CEP250: variants seen among roughly 807,000 people sequenced by gnomAD.
CEP250 encodes centrosome-associated protein CEP250.
Under a neutral mutation model 315.7 loss-of-function variants are expected in CEP250, and 242 were observed. That is an observed-to-expected ratio of 0.77 (90% confidence interval 0.69 to 0.85). The LOEUF (loss-of-function observed/expected upper bound fraction) is 0.85, where lower values mean the gene tolerates loss of function less well. Ranked by LOEUF, CEP250 falls within the 40% of genes least tolerant of loss-of-function variation. The pLI is 0.00. For synonymous variants in CEP250, 1,088 were observed against 1,175.0 expected, an observed-to-expected ratio of 0.93 and a Z score of 1.51; for missense variants, 2,515 against 2,886.4, an observed-to-expected ratio of 0.87 and a Z score of 2.95.
rs553417581 is a variant in CEP250, at chr20:35,511,288, A to G, written c.7066-75A>G. 47 of 1,294,778 alleles carry G rather than the reference A, an allele frequency of 3.6e-5. No homozygotes were observed. The South Asian group carries it at 5.3e-4, about 15-fold the overall frequency. 80.2% of individuals were successfully genotyped at this position (1,294,778 alleles called of 1,614,324 possible). ...GATCAGCCAACGAGCTTCAGAGAAC[A>G]CAGAGCAGGAAGAGCTGGGACAACT... On this transcript the variant is annotated intron_variant, in intron 34 of 34. Transcript: ENST00000397527.
rs1319759585 is a variant in CEP250 at position 35,516,881 on chromosome 20, C to T, written c.*5255C>T. 1.8e-6 allele frequency: 1 copy of T among 565,818 alleles called. No individual in the cohort carries two copies. Among genetic ancestry groups the T allele is most frequent in the Admixed American group, 6.3e-5 (1 of 15,754 alleles). The allele number at this position is 565,818 out of a possible 1,614,324, so 35.0% of individuals were successfully genotyped here. ...TCCAGAAGCAATGGCAGGTGTTATC[C>T]ATTCATTCAGGTTAGACCTCTGAGC... On this transcript the variant is annotated 3_prime_UTR_variant, in exon 35 of 35. Transcript: ENST00000397527.
chr20:35,509,622 G>T (rs946318964), intron 33 of CEP250, among the ~76,000 whole-genome samples: 2 of 152,194 alleles, frequency 1.3e-5, no homozygotes, highest in South Asian at 4.1e-4. Flanking sequence ...TCCATCCCTT[G>T]TCCTTTATTG....
chr20:35,476,171 TA>T (rs2063167669), intron 15 of CEP250: 1 of 322,354 alleles, frequency 3.1e-6, no homozygotes, highest in Non-Finnish European at 5.8e-6. Context: ...ACTATATTAA[TA>T]TTTTTTTTAG....
chr20:35,479,816 A>T, intron 19 of CEP250, 43 bp downstream of exon 19: 1 of 1,613,082 alleles, frequency 6.2e-7, no homozygotes, highest in Non-Finnish European at 8.5e-7. Context: ...TTCCATGGAG[A>T]TGTTGAAAGG....
intron 15 of CEP250, among the ~76,000 whole-genome samples, chr20:35,475,950 C>T (rs1183063040): frequency 6.6e-6 from 1 of 152,194 alleles, no homozygotes; most frequent in African/African-American, 2.4e-5. Context: ...TACTGCAAAA[C>T]CCATCCTAAC....
chr20:35,457,779 AC>A (rs1746914349), intron 1 of CEP250, among the ~76,000 whole-genome samples: 1 of 152,164 alleles, frequency 6.6e-6, no homozygotes, highest in Non-Finnish European at 1.5e-5. Context: ...AGCCTGGGTA[AC>A]AGAGCCAGAT....
chr20:35,510,131 G>T, intron 34 of CEP250, 77 bp downstream of exon 34: 1 of 1,372,678 alleles, frequency 7.3e-7, no homozygotes, highest in Non-Finnish European at 1.0e-6. Context: ...AGGGAGAGGG[G>T]AAGTTCCTCC....
In CEP250 at chr20:35,460,013, G is replaced by A. The variant is rs2062719731; in HGVS notation, c.-196G>A. ...GTTGTTGGCAGAAATCCTGGGATAA[G>A]AGAATAGTTTCCTGGAAGATCTGTG... On this transcript the variant is annotated 5_prime_UTR_variant, in exon 3 of 35. Coordinates refer to ENST00000397527, the MANE Select transcript of CEP250 (RefSeq NM_007186.6). 1 of 152,148 alleles carries A rather than the reference G, an allele frequency of 6.6e-6. No homozygotes were observed. Among genetic ancestry groups the A allele is most frequent in the East Asian group, 1.9e-4 (1 of 5,188 alleles). The allele number at this position is 152,148 out of a possible 1,614,324, so 9.4% of individuals were successfully genotyped here. A position where few individuals can be genotyped will look rare whatever the true frequency, so the allele number is the denominator to read the frequency against.
At chr20:35,460,985 T>A (rs2062742640) in intron 3 of CEP250, among the ~76,000 whole-genome samples, 1 of 152,210 alleles carries the variant, frequency 6.6e-6, no homozygotes, top group Non-Finnish European at 1.5e-5. Flanking sequence ...ATGTATTCTC[T>A]CTGTGTATAT....
At chr20:35,457,660 G>A (rs575384275) in intron 1 of CEP250, among the ~76,000 whole-genome samples, 5 of 152,088 alleles carry the variant, frequency 3.3e-5, no homozygotes, top group African/African-American at 7.2e-5. Context: ...TTAGCTGGTC[G>A]TGGTGGCACA....
At chr20:35,483,078 T>G (rs769517024) in intron 20 of CEP250, among the ~76,000 whole-genome samples, 36 of 152,060 alleles carry the variant, frequency 2.4e-4, no homozygotes, top group Admixed American at 3.3e-4. Context: ...CTCAGTAATT[T>G]GGGAGGCTGA....
At chr20:35,470,452 AAG>A (rs1183434596) in intron 10 of CEP250, among the ~76,000 whole-genome samples, 2 of 152,204 alleles carry the variant, frequency 1.3e-5, no homozygotes, top group African/African-American at 2.4e-5. Flanking sequence ...ACGCTGGGAA[AAG>A]AGAGTTTATG....
chr20:35,485,046 A>G (rs1471395711), intron 20 of CEP250, among the ~76,000 whole-genome samples: 3 of 145,466 alleles, frequency 2.1e-5, no homozygotes, highest in Non-Finnish European at 4.5e-5. Context: ...TGGGCAACAT[A>G]GCAAGACCCT....
chr20:35,509,937 C>G, intron 33 of CEP250, 61 bp from the exon 34 acceptor site: 1 of 1,505,828 alleles, frequency 6.6e-7, no homozygotes, highest in Non-Finnish European at 9.2e-7. Context: ...TGCAAGGAAA[C>G]TTGCAGAAAC....
chr20:35,461,330 G>A (rs2062750229), intron 3 of CEP250, among the ~76,000 whole-genome samples: 1 of 152,208 alleles, frequency 6.6e-6, no homozygotes, highest in African/African-American at 2.4e-5. Context: ...ATTTCTGGAT[G>A]AGGGAAGTAG....
chr20:35,476,037 T>C (rs1320803486), intron 15 of CEP250, among the ~76,000 whole-genome samples: 1 of 152,224 alleles, frequency 6.6e-6, no homozygotes, highest in African/African-American at 2.4e-5. Context: ...TCTAATACTC[T>C]GCGTGTACTT....
Position 35,497,779 on chromosome 20 carries a change from C to T in CEP250, c.3367C>T (p.Gln1123Ter). The change falls in exon 26 of 35, where the codon CAG becomes TAG. Residue 1123 changes from glutamine (Q) to a stop codon, truncating the protein, a stop_gained. Coordinates refer to ENST00000397527, the MANE Select transcript of CEP250 (RefSeq NM_007186.6). LOFTEE classifies it high-confidence loss of function. ...KEADFLAQEA[Q>*]LLEELEASHI... ...GGCTGACTTTCTGGCCCAGGAAGCACAGCTGCTGGAGGAGCTGGAGGCGTC... is the reference window on the plus strand; with the variant it reads ...GGCTGACTTTCTGGCCCAGGAAGCATAGCTGCTGGAGGAGCTGGAGGCGTC... 6.4e-7 allele frequency: 1 copy of T among 1,560,996 alleles called. No individual in the cohort carries two copies.
chr20:35,503,150 C>G lies in CEP250; in HGVS notation c.4781C>G (p.Thr1594Arg). The G allele has an allele frequency of 1.2e-6, 2 of 1,614,070 alleles. No individual in the cohort carries two copies. Among genetic ancestry groups the G allele is most frequent in the Non-Finnish European group, 1.7e-6 (2 of 1,179,996 alleles). Residue 1594 changes from threonine to arginine, a missense_variant, in exon 30 of 35, where the codon ACG becomes AGG. Coordinates refer to ENST00000397527, the MANE Select transcript of CEP250 (RefSeq NM_007186.6). This position sits in a 1 kb window ranked among gnomAD's most constrained non-coding sequence, Gnocchi z 4.2. ...CAGAGAGTGGCTTTGACCCACCTTA[C>G]GCTGGACCTAGAAGAAAGGAGCCAG... is the stretch of plus-strand genomic sequence containing the variant. ...ETQRVALTHL[T>R]LDLEERSQEL...
intron 9 of CEP250, among the ~76,000 whole-genome samples, chr20:35,468,233 G>A (rs2062939773): frequency 6.6e-6 from 1 of 152,162 alleles, no homozygotes; most frequent in Admixed American, 6.5e-5. Context: ...ACAAGCGTGA[G>A]CCACTGCAAC....
Sources: gnomAD v4.1 joint callset for allele counts (sites outside exome capture counted in the v4.1 genomes callset) on GRCh38, gnomAD v4.1.1 for gene constraint, Gnocchi (gnomAD v3.1) non-coding constraint, MANE v1.5 for transcripts, NCBI Gene and HGNC (gene_info 2026-07-23, HGNC 2026-07-21) for gene names.